The following RBM24 variants were observed in gnomAD, a reference collection of about 807,000 sequenced individuals.
RBM24 encodes the protein RNA binding motif protein 24.
RBM24 carries 5 observed loss-of-function variants against 23.6 expected under a neutral mutation model. The ratio of observed to expected loss-of-function variants is 0.21; its 90% confidence interval spans 0.11 to 0.45. The LOEUF is 0.45. RBM24 is among the 20% of genes least tolerant of loss of function. The pLI is 0.99. For synonymous variants in RBM24, 151 were observed against 129.5 expected, an observed-to-expected ratio of 1.17 and a Z score of -1.13; for missense variants, 252 against 314.6, an observed-to-expected ratio of 0.80 and a Z score of 1.51.
intron 2 of RBM24, among the ~76,000 whole-genome samples, 170 bp from the exon 3 acceptor site, chr6:17,284,484 CAAT>C (rs1204729240): frequency 3.9e-5 from 6 of 152,180 alleles, no homozygotes; most frequent in South Asian, 4.2e-4. Flanking sequence ...TATTTTGAAT[CAAT>C]GATAGCATTT....
chr6:17,289,488 C>G, intron 3 of RBM24: 1 of 985,354 alleles, frequency 1.0e-6, no homozygotes, highest in Non-Finnish European at 1.2e-6. Context: ...TTTCCTAATG[C>G]AAAGTAAATG....
At chr6:17,291,665 A>C in intron 3 of RBM24, 91 bp from the exon 4 acceptor site, 9 of 1,385,664 alleles carry the variant, frequency 6.5e-6, no homozygotes, top group African/African-American at 1.4e-5. Flanking sequence ...TGCTCATAAT[A>C]ACCACTAAAT....
intron 2 of RBM24, among the ~76,000 whole-genome samples, chr6:17,284,003 A>C (rs1471620421): frequency 6.6e-6 from 1 of 152,184 alleles, no homozygotes; most frequent in Non-Finnish European, 1.5e-5. Context: ...AGGCAACTTT[A>C]CTTGTAAAGT....
rs1760378924 is a variant in RBM24 at position 17,292,016 on chromosome 6, C to T, written c.608C>T (p.Ala203Val). 3.1e-6 allele frequency: 5 copies of T among 1,603,798 alleles called. No homozygotes were observed. The highest frequency in any genetic ancestry group is 1.3e-5 in the African/African-American group (1 of 74,792). ...YGYAVQQPIT[A>V]AAPGTAAAAA... ...TACGCAGTCCAGCAGCCAATCACCG[C>T]AGCGGCACCTGGGACAGCTGCCGCC... is the stretch of plus-strand genomic sequence containing the variant. Residue 203 changes from alanine (A) to valine (V), a missense_variant, in exon 4 of 4, where the codon GCA becomes GTA. Physicochemically the swap from Ala to Val is moderately conservative, Grantham distance 64. Transcript: ENST00000379052.
rs1426715204 is a variant in RBM24 at position 17,292,310 on chromosome 6, G to A, written c.*191G>A. On this transcript the variant is annotated 3_prime_UTR_variant, in exon 4 of 4. Transcript: ENST00000379052. ...TAGATGAGAAAGAGGTAAGAATGAG[G>A]GGAATGGGCACAATTTTGGAAATCA... The A allele has an allele frequency of 4.5e-6, 2 of 447,712 alleles. No individual in the cohort carries two copies. The highest frequency in any genetic ancestry group is 2.0e-5 in the African/African-American group (1 of 49,744). 27.7% of individuals were successfully genotyped at this position (447,712 alleles called of 1,614,324 possible). A position where few individuals can be genotyped will look rare whatever the true frequency, so the allele number is the denominator to read the frequency against.
chr6:17,292,917 T>A lies in RBM24; in HGVS notation c.*798T>A, dbSNP rs1282263830. 6.6e-6 allele frequency: 1 copy of A among 152,378 alleles called. No homozygotes were observed. Among genetic ancestry groups the A allele is most frequent in the Non-Finnish European group, 1.5e-5 (1 of 68,050 alleles). The allele number at this position is 152,378 out of a possible 1,614,324, so 9.4% of individuals were successfully genotyped here. On this transcript the variant is annotated 3_prime_UTR_variant, in exon 4 of 4. Transcript: ENST00000379052. ...TCAATTTTGGGAAACTTGTATCTGC[T>A]GGTGTCAGCAATTCTGATTCTGAAA... is the stretch of plus-strand genomic sequence containing the variant.
Position 17,282,900 on chromosome 6 carries a change from A to G in RBM24, c.264A>G (p.Leu88=), listed in dbSNP as rs1043708587. The part of the protein sequence containing the change: ...GRKANVNLAY[L]GAKPRIMQPG... ...AGGCCAACGTGAACCTGGCATACTT[A>G]GGAGCAAAACCAAGGATCATGCAAC... is the stretch of plus-strand genomic sequence containing the variant. Residue 88 remains leucine, a synonymous_variant, in exon 2 of 4, where the codon TTA becomes TTG. Coordinates refer to ENST00000379052, the MANE Select transcript of RBM24 (RefSeq NM_001143942.2). The G allele has an allele frequency of 6.2e-7, 1 of 1,614,136 alleles. No individual in the cohort carries two copies.
At position 17,292,192 on chromosome 6, in the gene RBM24, A is replaced by G; in HGVS notation, c.*73A>G. On this transcript the variant is annotated 3_prime_UTR_variant, in exon 4 of 4. Coordinates refer to ENST00000379052, the MANE Select transcript of RBM24 (RefSeq NM_001143942.2). Reference sequence around the variant, plus strand: ...TTTCCAATTTTTAGTAGCTAATAAGAGAGTTAACATTGACTTAACAGCTTT... The same window carrying G: ...TTTCCAATTTTTAGTAGCTAATAAGGGAGTTAACATTGACTTAACAGCTTT... The G allele has an allele frequency of 1.4e-6, 2 of 1,379,456 alleles. No individual in the cohort carries two copies. Among genetic ancestry groups the G allele is most frequent in the Non-Finnish European group, 1.9e-6 (2 of 1,036,530 alleles). The allele number at this position is 1,379,456 out of a possible 1,614,324, so 85.5% of individuals were successfully genotyped here. A position where few individuals can be genotyped will look rare whatever the true frequency, so the allele number is the denominator to read the frequency against.
Position 17,291,898 on chromosome 6 carries a change from G to A in RBM24, c.490G>A (p.Ala164Thr). ...TGCATACGCACAATACTCAGCAGCT[G>A]CTGCTGCTGCCGCCGCCGCTGCTGC... Reference protein sequence around the residue: ...GAAYAQYSAAAAAAAAAAAYD... With the variant: ...GAAYAQYSAATAAAAAAAAYD... Residue 164 changes from alanine (A) to threonine (T), a missense_variant, in exon 4 of 4, where the codon GCT becomes ACT. Transcript: ENST00000379052. The A allele has an allele frequency of 1.2e-6, 2 of 1,613,270 alleles. No individual in the cohort carries two copies. The highest frequency in any genetic ancestry group is 1.7e-6 in the Non-Finnish European group (2 of 1,179,856).
chr6:17,289,192 C>A, intron 3 of RBM24: 1 of 985,404 alleles, frequency 1.0e-6, no homozygotes, highest in Middle Eastern at 5.2e-4. Context: ...ATTCCCAGAT[C>A]ACCTTAATGG....
chr6:17,289,522 C>T, intron 3 of RBM24: 1 of 985,408 alleles, frequency 1.0e-6, no homozygotes. Context: ...CCCTAAGCAA[C>T]CTTGCCTGTC....
intron 3 of RBM24, chr6:17,289,324 G>A (rs774839865): frequency 1.9e-4 from 183 of 985,246 alleles, no homozygotes; most frequent in Middle Eastern, 1.0e-3. Context: ...AAGGTCTTTC[G>A]GGTTCTCCTT....
At position 17,291,993 on chromosome 6, in the gene RBM24, C is replaced by T. The variant is rs745754217; in HGVS notation, c.585C>T (p.Tyr195=). The change falls in exon 4 of 4, where the codon TAC becomes TAT. Residue 195 remains tyrosine (Y), a synonymous_variant. Transcript: ENST00000379052. ...AGYVTAGGYG[Y]AVQQPITAAA... is the part of the protein sequence containing the mutation. Reference sequence around the variant, plus strand: ...ATGTTACTGCTGGGGGCTATGGCTACGCAGTCCAGCAGCCAATCACCGCAG... The same window carrying T: ...ATGTTACTGCTGGGGGCTATGGCTATGCAGTCCAGCAGCCAATCACCGCAG... 4 of 1,608,088 alleles carry T rather than the reference C, an allele frequency of 2.5e-6. No homozygotes were observed. Among genetic ancestry groups the T allele is most frequent in the East Asian group, 2.2e-5 (1 of 44,816 alleles).
chr6:17,292,063 G>A lies in RBM24; in HGVS notation c.655G>A (p.Ala219Thr), dbSNP rs761374400. The change falls in exon 4 of 4, where the codon GCT (alanine) becomes ACT (threonine). Residue 219 changes from alanine (A) to threonine (T), a missense_variant. Physicochemically the swap from Ala to Thr is moderately conservative, Grantham distance 58. Coordinates refer to ENST00000379052, the MANE Select transcript of RBM24 (RefSeq NM_001143942.2). ...AAAAAAAAAAAAAFGQYQPQQ... is the reference protein window; with the variant it reads ...AAAAAAAAAATAAFGQYQPQQ... ...CGCCGCCGCTGCAGCAGCTGCTGCC[G>A]CTGCAGCATTTGGCCAGTACCAGCC... 1.6e-5 allele frequency: 25 copies of A among 1,592,882 alleles called. No individual in the cohort carries two copies. The highest frequency in any genetic ancestry group is 1.7e-5 in the Admixed American group (1 of 59,448).
intron 3 of RBM24, among the ~76,000 whole-genome samples, chr6:17,285,795 CT>C (rs1760177219): frequency 6.6e-6 from 1 of 152,096 alleles, no homozygotes; most frequent in South Asian, 2.1e-4. Flanking sequence ...ATTTCTCTTC[CT>C]TTCAGAGGTT....
Position 17,281,489 on chromosome 6 carries a change from A to G in RBM24, c.-93A>G. ...GCCCTTGGCCCCCGGCGGCCGCGAA[A>G]GGGTGCGGGAGACGCGGAGCCGGAG... On this transcript the variant is annotated 5_prime_UTR_variant, in exon 1 of 4. Transcript: ENST00000379052. The surrounding 1 kb of genome is among the most constrained non-coding windows in gnomAD (Gnocchi z 7.1). 1.7e-6 allele frequency: 2 copies of G among 1,192,720 alleles called. No homozygotes were observed. The highest frequency in any genetic ancestry group is 2.1e-6 in the Non-Finnish European group (2 of 937,382). The allele number at this position is 1,192,720 out of a possible 1,614,324, so 73.9% of individuals were successfully genotyped here. A position where few individuals can be genotyped will look rare whatever the true frequency, so the allele number is the denominator to read the frequency against.
chr6:17,291,592 A>G (rs756104801), intron 3 of RBM24, among the ~76,000 whole-genome samples, 164 bp from the exon 4 acceptor site: 19 of 152,122 alleles, frequency 1.2e-4, no homozygotes, highest in Non-Finnish European at 2.6e-4. Flanking sequence ...GCACTCTATG[A>G]CTTTGGCTAC....
chr6:17,288,415 T>G, intron 3 of RBM24: 1 of 985,022 alleles, frequency 1.0e-6, no homozygotes, highest in Non-Finnish European at 1.2e-6. Context: ...ACTCTTTTAT[T>G]GAGTGCCTAC....
chr6:17,282,539 T>C, intron 1 of RBM24: 1 of 523,572 alleles, frequency 1.9e-6, no homozygotes, highest in Non-Finnish European at 3.4e-6. Context: ...CTAACACCCT[T>C]AAGATTTCGG....
Sources: allele counts gnomAD v4.1 joint callset (sites outside exome capture counted in the v4.1 genomes callset), GRCh38; gene constraint gnomAD v4.1.1; non-coding constraint Gnocchi (gnomAD v3.1); transcripts MANE v1.5; gene names NCBI Gene and HGNC (gene_info 2026-07-23, HGNC 2026-07-21).